Variants in TMEM44 observed in about 807,000 individuals in gnomAD.
TMEM44 encodes the protein transmembrane protein 44.
TMEM44 carries 43 observed loss-of-function variants against 47.8 expected under a neutral mutation model. The observed-to-expected ratio is 0.90, with a 90% confidence interval of 0.70 to 1.16. The LOEUF is 1.16. Among genes scored for constraint, TMEM44 ranks in the 50% most tolerant of loss-of-function variants. The pLI, the probability that TMEM44 is intolerant of heterozygous loss-of-function variation, is 0.00. For missense variants in TMEM44, 568 were observed against 555.2 expected, an observed-to-expected ratio of 1.02 and a Z score of -0.23; for synonymous variants, 277 against 238.8, an observed-to-expected ratio of 1.16 and a Z score of -1.48.
Position 194,604,347 on chromosome 3 carries a change from G to T in TMEM44, c.1116C>A (p.Ile372=), listed in dbSNP as rs765165336. Residue 372 remains isoleucine (I), a synonymous_variant, in exon 9 of 10, where the codon ATC becomes ATA. Coordinates refer to ENST00000347147, the MANE Select transcript of TMEM44 (RefSeq NM_001011655.3). The stretch of plus-strand genomic sequence containing the variant: ...AGCTGCCGGAAGACACCCGGGCCCG[G>T]ATGACCTGAACGGGAGGGTACGACG... ...DPPSYPPVQV[I]RARVSSGSSS... 1.2e-5 allele frequency: 19 copies of T among 1,574,086 alleles called. No individual in the cohort carries two copies. In the African/African-American group the frequency reaches 2.2e-4, roughly 18 times the overall value.
At chr3:194,618,547 TTATA>T (rs950107470) in intron 5 of TMEM44, among the ~76,000 whole-genome samples, 1 of 123,480 alleles carries the variant, frequency 8.1e-6, no homozygotes, top group Middle Eastern at 3.5e-3. Context: ...ATAAATTAAA[TTATA>T]TATAGTTAAG....
Position 194,620,239 on chromosome 3 carries a change from C to T in TMEM44, c.613-2970G>A, listed in dbSNP as rs551910742. On this transcript the variant is annotated intron_variant, in intron 5 of 9. Coordinates refer to ENST00000347147, the MANE Select transcript of TMEM44 (RefSeq NM_001011655.3). ...CCAGGAGGCGGAGTTTGCAGTGAGCCGAGATCGTGCCATTGCACTCCAGCC... is the reference window on the plus strand; with the variant it reads ...CCAGGAGGCGGAGTTTGCAGTGAGCTGAGATCGTGCCATTGCACTCCAGCC... Among the ~76,000 whole-genome samples the T allele has an allele frequency of 1.9e-3, 281 of 144,760 alleles. 3 individuals are homozygous for T. Among genetic ancestry groups the T allele is most frequent in the African/African-American group, 7.0e-3 (266 of 38,238 alleles). 95.0% of individuals were successfully genotyped at this position (144,760 alleles called of 152,430 possible).
At chr3:194,593,067 A>G (rs1415065618) in intron 9 of TMEM44, 7 of 1,613,474 alleles carry the variant, frequency 4.3e-6, no homozygotes, top group Non-Finnish European at 5.9e-6. Flanking sequence ...GCCTCCCAAT[A>G]CTTCTGCTGC....
intron 8 of TMEM44, 127 bp downstream of exon 8, chr3:194,610,789 T>A: frequency 1.2e-6 from 1 of 820,312 alleles, no homozygotes; most frequent in Non-Finnish European, 1.9e-6. Context: ...GACAGCTCCT[T>A]CTTTTTTACC....
chr3:194,598,762 G>A (rs1403229833), intron 9 of TMEM44, among the ~76,000 whole-genome samples: 1 of 152,146 alleles, frequency 6.6e-6, no homozygotes, highest in African/African-American at 2.4e-5. Flanking sequence ...CAAAACAGTC[G>A]GTCCATGCCC....
chr3:194,621,989 G>A (rs1365860206), intron 5 of TMEM44, among the ~76,000 whole-genome samples: 1 of 152,220 alleles, frequency 6.6e-6, no homozygotes, highest in Non-Finnish European at 1.5e-5. Flanking sequence ...TGGCATTACA[G>A]GCATGAGCCA....
intron 1 of TMEM44, among the ~76,000 whole-genome samples, chr3:194,628,754 A>G (rs893131529): frequency 6.6e-6 from 1 of 152,188 alleles, no homozygotes; most frequent in African/African-American, 2.4e-5. Context: ...CTTTGGAGGA[A>G]GAGGAATTTT....
At chr3:194,621,191 C>G (rs790001) in intron 5 of TMEM44, among the ~76,000 whole-genome samples, 1 of 151,736 alleles carries the variant, frequency 6.6e-6, no homozygotes, top group Admixed American at 6.6e-5. Flanking sequence ...CAGAAAGGTA[C>G]GGAGGGAAGG....
At chr3:194,599,835 C>T (rs944732755) in intron 9 of TMEM44, among the ~76,000 whole-genome samples, 4 of 149,596 alleles carry the variant, frequency 2.7e-5, no homozygotes, top group African/African-American at 9.8e-5. Context: ...TCTCGGCTCA[C>T]TGCAACCTCC....
intron 8 of TMEM44, among the ~76,000 whole-genome samples, chr3:194,605,898 T>C (rs1249459682): frequency 7.3e-6 from 1 of 136,788 alleles, no homozygotes; most frequent in Non-Finnish European, 1.5e-5. Context: ...GCTTCAGCCC[T>C]TGATGGGTTA....
In TMEM44 at chr3:194,603,843, C is replaced by T. The variant is rs187898198; in HGVS notation, c.1176+444G>A. On this transcript the variant is annotated intron_variant, in intron 9 of 9. Coordinates refer to ENST00000347147, the MANE Select transcript of TMEM44 (RefSeq NM_001011655.3). ...ACTGACACACAGGGTAGGGGCCCCA[C>T]GGAAGTTCATTTTTTTTTTGTTTTT... Among the ~76,000 whole-genome samples, 264 of 151,566 alleles carry T rather than the reference C, an allele frequency of 1.7e-3. 3 individuals carry two copies. The highest frequency in any genetic ancestry group is 6.0e-3 in the African/African-American group (247 of 41,008).
intron 9 of TMEM44, among the ~76,000 whole-genome samples, chr3:194,602,491 G>T (rs1313625067): frequency 6.6e-6 from 1 of 152,066 alleles, no homozygotes; most frequent in African/African-American, 2.4e-5. Flanking sequence ...AATCCTAGCT[G>T]CTGGGGAGGC....
At chr3:194,613,897 C>A (rs983213672) in intron 7 of TMEM44, among the ~76,000 whole-genome samples, 1 of 151,560 alleles carries the variant, frequency 6.6e-6, no homozygotes, top group East Asian at 2.0e-4. Flanking sequence ...CCGAGGTGGG[C>A]GGATCATCTG....
rs996501085 is a variant in TMEM44 at position 194,604,337 on chromosome 3, C to A, written c.1126G>T (p.Val376Leu). The A allele has an allele frequency of 6.3e-7, 1 of 1,576,740 alleles. No individual in the cohort carries two copies. The highest frequency in any genetic ancestry group is 1.7e-4 in the Middle Eastern group (1 of 6,018). ...YPPVQVIRAR[V>L]SSGSSSEVSS... ...ACCTCAGAGGAGCTGCCGGAAGACA[C>A]CCGGGCCCGGATGACCTGAACGGGA... Residue 376 changes from valine to leucine, a missense_variant, in exon 9 of 10, where the codon GTG becomes TTG. Coordinates refer to ENST00000347147, the MANE Select transcript of TMEM44 (RefSeq NM_001011655.3).
chr3:194,603,895 C>G (rs1714450519), intron 9 of TMEM44, among the ~76,000 whole-genome samples: 1 of 151,948 alleles, frequency 6.6e-6, no homozygotes, highest in Non-Finnish European at 1.5e-5. Flanking sequence ...GTTCTGTTGC[C>G]CAGACTAAAG....
chr3:194,620,222 C>T (rs775467252), intron 5 of TMEM44, among the ~76,000 whole-genome samples: 16 of 139,798 alleles, frequency 1.1e-4, no homozygotes, highest in Non-Finnish European at 2.3e-4. Context: ...ACCCAGGAGG[C>T]GGAGTTTGCA....
chr3:194,627,796 T>C (rs1370651909), intron 2 of TMEM44, among the ~76,000 whole-genome samples: 1 of 151,958 alleles, frequency 6.6e-6, no homozygotes, highest in Non-Finnish European at 1.5e-5. Flanking sequence ...CTGGGCAACA[T>C]GGTGAAACCC....
chr3:194,603,999 G>A (rs938289469), intron 9 of TMEM44, among the ~76,000 whole-genome samples: 2 of 152,034 alleles, frequency 1.3e-5, no homozygotes, highest in East Asian at 3.9e-4. Flanking sequence ...GATAACAGGT[G>A]GCCGCCACTA....
intron 5 of TMEM44, among the ~76,000 whole-genome samples, chr3:194,619,179 C>T (rs1716263954): frequency 6.6e-6 from 1 of 152,260 alleles, no homozygotes; most frequent in Non-Finnish European, 1.5e-5. Context: ...AGCCCTCTGT[C>T]CTCGCTCACA....
Sources: gnomAD v4.1 joint callset for allele counts (sites outside exome capture counted in the v4.1 genomes callset) on GRCh38, gnomAD v4.1.1 for gene constraint, MANE v1.5 for transcripts, NCBI Gene and HGNC (gene_info 2026-07-23, HGNC 2026-07-21) for gene names.